The following KIF1B variants were observed in gnomAD, a reference collection of about 807,000 sequenced individuals.
KIF1B encodes kinesin family member 1B.
A neutral mutation model predicts 241.9 loss-of-function variants in KIF1B; 76 were observed. The ratio of observed to expected loss-of-function variants is 0.31; its 90% confidence interval spans 0.26 to 0.38. The LOEUF (loss-of-function observed/expected upper bound fraction) is 0.38. KIF1B is among the 10% of genes least tolerant of loss of function. KIF1B has a pLI of 1.00. For missense variants in KIF1B, 1,622 were observed against 2,271.4 expected (o/e 0.71, Z 5.81); for synonymous variants, 750 against 796.7 (o/e 0.94, Z 0.99).
At position 10,328,264 on chromosome 1, in the gene KIF1B, A is replaced by G. The variant is rs550230477; in HGVS notation, c.2924+1905A>G. ...TCACATGGTCGGAACCTCATAACTA[A>G]ATTAGAAGATGATCATTCTTATGGA... On this transcript the variant is annotated intron_variant, in intron 27 of 48. Transcript: ENST00000676179. Among the ~76,000 whole-genome samples the G allele has an allele frequency of 4.4e-4, 67 of 152,326 alleles. 3 individuals are homozygous for G. The South Asian group carries it at 0.014, about 31-fold the overall frequency.
intron 27 of KIF1B, among the ~76,000 whole-genome samples, chr1:10,333,084 T>C (rs897130335): frequency 6.6e-6 from 1 of 151,434 alleles, no homozygotes; most frequent in Non-Finnish European, 1.5e-5. Context: ...AGTGCTGGGA[T>C]TACGGGCATG....
chr1:10,311,811 C>T (rs959784420), intron 22 of KIF1B, among the ~76,000 whole-genome samples: 7 of 151,308 alleles, frequency 4.6e-5, no homozygotes, highest in Non-Finnish European at 1.0e-4. Context: ...TCTCTGTTCC[C>T]CCTTCCATTT....
At chr1:10,352,829 G>T in intron 38 of KIF1B, 93 bp downstream of exon 38, 1 of 887,362 alleles carries the variant, frequency 1.1e-6, no homozygotes. Context: ...CTCCCAGTTC[G>T]GACAAAGAAA....
chr1:10,256,221 T>C (rs2102181600), intron 2 of KIF1B, 26 bp from the exon 3 acceptor site: 3 of 1,441,250 alleles, frequency 2.1e-6, no homozygotes, highest in Non-Finnish European at 2.9e-6. Flanking sequence ...GAGTGACTTA[T>C]AAAATGAAAC....
chr1:10,298,764 C>T (rs988222062), intron 22 of KIF1B, among the ~76,000 whole-genome samples: 19 of 152,020 alleles, frequency 1.2e-4, no homozygotes, highest in Admixed American at 6.6e-4. Flanking sequence ...TTACAGAGAG[C>T]GTTAACATCC....
At chr1:10,329,681 C>T (rs1007200123) in intron 27 of KIF1B, among the ~76,000 whole-genome samples, 2 of 151,950 alleles carry the variant, frequency 1.3e-5, no homozygotes, top group South Asian at 2.1e-4. Flanking sequence ...TGCAGTGAGC[C>T]GAGATCGCGC....
Position 10,363,362 on chromosome 1 carries a change from G to A in KIF1B, c.4366+18G>A, listed in dbSNP as rs372504082. 1 of 1,595,758 alleles carries A rather than the reference G, an allele frequency of 6.3e-7. No homozygotes were observed. Among genetic ancestry groups the A allele is most frequent in the Non-Finnish European group, 8.6e-7 (1 of 1,163,504 alleles). ...TAGTCCAGGTAAGCTCTTGTGGATT[G>A]AGGAGGTGATAGTTATCTTTGTGTA... On this transcript the variant is annotated intron_variant, in intron 41 of 48. Coordinates refer to ENST00000676179, the MANE Select transcript of KIF1B (RefSeq NM_001365951.3).
intron 22 of KIF1B, chr1:10,299,118 GACAA>G (rs1285919406): frequency 1.4e-5 from 2 of 143,602 alleles, no homozygotes; most frequent in African/African-American, 5.2e-5. Context: ...AACAAAACAA[GACAA>G]ACAAAAAAAA....
intron 38 of KIF1B, 115 bp downstream of exon 38, chr1:10,352,851 C>A: frequency 1.4e-6 from 1 of 740,614 alleles, no homozygotes; most frequent in Non-Finnish European, 2.4e-6. Flanking sequence ...TAACTCCCTT[C>A]TCCCTTCTAG....
intron 38 of KIF1B, among the ~76,000 whole-genome samples, chr1:10,357,473 C>T (rs1443253033): frequency 6.6e-6 from 1 of 152,196 alleles, no homozygotes; most frequent in Non-Finnish European, 1.5e-5. Context: ...TAATGGCTCA[C>T]ACCTGTAATA....
chr1:10,313,050 T>G lies in KIF1B; in HGVS notation c.2116-6993T>G, dbSNP rs143912805. Among the ~76,000 whole-genome samples, 28 of 151,546 alleles carry G rather than the reference T, an allele frequency of 1.8e-4. 1 individual carries two copies. Among genetic ancestry groups the G allele is most frequent in the African/African-American group, 6.9e-4 (28 of 40,862 alleles). On this transcript the variant is annotated intron_variant, in intron 22 of 48. Transcript: ENST00000676179. ...GGCTAACTATATAGTACCATCTTTA[T>G]TTTTTTGTTTTGTTTTGTTTTTTGT...
chr1:10,324,451 C>T (rs895755798), intron 25 of KIF1B, among the ~76,000 whole-genome samples: 1 of 151,990 alleles, frequency 6.6e-6, no homozygotes, highest in Non-Finnish European at 1.5e-5. Context: ...AGGTATTTCC[C>T]CCGTCTCAGT....
chr1:10,221,049 C>T (rs1646838669), intron 1 of KIF1B, among the ~76,000 whole-genome samples: 2 of 147,912 alleles, frequency 1.4e-5, no homozygotes, highest in Admixed American at 6.8e-5. Context: ...GGAGACTACT[C>T]GTGTATAGTC....
chr1:10,329,308 A>G (rs1651833734), intron 27 of KIF1B, among the ~76,000 whole-genome samples: 1 of 152,222 alleles, frequency 6.6e-6, no homozygotes, highest in African/African-American at 2.4e-5. Context: ...AAAATTTACA[A>G]TAATGCAACA....
chr1:10,268,208 C>T lies in KIF1B; in HGVS notation c.665C>T (p.Thr222Met), dbSNP rs2102206895. The change falls in exon 7 of 49, where the codon ACG (threonine) becomes ATG (methionine). Residue 222 changes from threonine to methionine, a missense_variant. Around this residue, in one of 7 missense-constraint regions of KIF1B, gnomAD observed 201 missense variants for 301.2 expected, o/e 0.67. Transcript: ENST00000676179. ...AGTAGCCGTTCCCACGCTGTGTTTA[C>T]GATTGTTTTCACCCAGAAGAAACAC... ...ETSSRSHAVF[T>M]IVFTQKKHDN... The T allele has an allele frequency of 6.2e-7, 1 of 1,613,932 alleles. No homozygotes were observed. Among genetic ancestry groups the T allele is most frequent in the Non-Finnish European group, 8.5e-7 (1 of 1,179,880 alleles).
At chr1:10,265,782 C>T (rs979825112) in intron 5 of KIF1B, among the ~76,000 whole-genome samples, 2 of 152,110 alleles carry the variant, frequency 1.3e-5, no homozygotes, top group East Asian at 1.9e-4. Flanking sequence ...CCCAGGAAGT[C>T]GAGGCTGCAG....
At chr1:10,302,192 A>G (rs1392805848) in intron 22 of KIF1B, among the ~76,000 whole-genome samples, 1 of 152,176 alleles carries the variant, frequency 6.6e-6, no homozygotes, top group Non-Finnish European at 1.5e-5. Flanking sequence ...GTGGAAGTAT[A>G]TTTGCCCAGC....
chr1:10,211,529 C>G (rs1473671217), intron 1 of KIF1B: 1 of 152,190 alleles, frequency 6.6e-6, no homozygotes, highest in Non-Finnish European at 1.5e-5. Flanking sequence ...CTTTAGGAGC[C>G]AAGTCCAGTT....
chr1:10,292,404 C>T, intron 17 of KIF1B: 1 of 376,156 alleles, frequency 2.7e-6, no homozygotes, highest in Non-Finnish European at 5.0e-6. Flanking sequence ...TTATTTGTTG[C>T]TTTCTCTTAA....
Sources: gnomAD v4.1 joint callset for allele counts (sites outside exome capture counted in the v4.1 genomes callset) on GRCh38, gnomAD v4.1.1 for gene constraint, gnomAD v4.1.1 regional missense constraint, MANE v1.5 for transcripts, NCBI Gene and HGNC (gene_info 2026-07-23, HGNC 2026-07-21) for gene names.